The following OSBP variants were observed in gnomAD, a reference collection of about 807,000 sequenced individuals.
OSBP encodes oxysterol binding protein, also known as oxysterol-binding protein 1.
OSBP carries 32 observed loss-of-function variants against 96.6 expected under a neutral mutation model. The observed-to-expected ratio is 0.33, with a 90% CI of 0.25 to 0.45. OSBP has a LOEUF of 0.45. OSBP is among the 20% of genes least tolerant of loss of function. OSBP has a pLI of 1.00. For synonymous variants in OSBP, 369 were observed against 389.6 expected (o/e 0.95, Z 0.62); for missense variants, 653 against 1,029.7 (o/e 0.63, Z 5.01).
chr11:59,614,150 T>C (rs1232040131), intron 1 of OSBP, among the ~76,000 whole-genome samples: 1 of 152,226 alleles, frequency 6.6e-6, no homozygotes, highest in African/African-American at 2.4e-5. Flanking sequence ...TACTTGCTAT[T>C]GATAAGCAAT....
intron 3 of OSBP, among the ~76,000 whole-genome samples, chr11:59,605,240 C>T (rs1474066880): frequency 3.2e-4 from 48 of 152,250 alleles, no homozygotes; most frequent in Non-Finnish European, 5.9e-5. Context: ...TGATCTGCAG[C>T]CCTTTCTCTC....
intron 3 of OSBP, 42 bp downstream of exon 3, chr11:59,608,442 G>A (rs1342923978): frequency 6.2e-7 from 1 of 1,612,080 alleles, no homozygotes; most frequent in African/African-American, 1.3e-5. Context: ...GTTTCAAAGA[G>A]GGAATGAATC....
In OSBP at chr11:59,615,383, C is replaced by G. The variant is rs1177995319; in HGVS notation, c.282G>C (p.Trp94Cys). 6.3e-7 allele frequency: 1 copy of G among 1,588,320 alleles called. No individual in the cohort carries two copies. Among genetic ancestry groups the G allele is most frequent in the East Asian group, 2.3e-5 (1 of 42,864 alleles). Residue 94 changes from tryptophan (W) to cysteine (C), a missense_variant, in exon 1 of 14, where the codon TGG (tryptophan) becomes TGC (cysteine). Transcript: ENST00000263847. ...TGATATAATTGGTCCATTTGAAGAG[C>G]CAGCCCTCTCGAGCCGAGCCCGAAC... ...AGGSGSAREG[W>C]LFKWTNYIKG... is the part of the protein sequence containing the mutation.
At chr11:59,615,100 C>CGAGGG (rs755849961) in intron 1 of OSBP, among the ~76,000 whole-genome samples, 2 of 152,252 alleles carry the variant, frequency 1.3e-5, no homozygotes, top group Middle Eastern at 3.4e-3. Flanking sequence ...GTGGGTAACC[C>CGAGGG]GAGGGGAGGG....
At chr11:59,585,768 C>T (rs1047635642) in intron 9 of OSBP, among the ~76,000 whole-genome samples, 6 of 152,176 alleles carry the variant, frequency 3.9e-5, no homozygotes, top group African/African-American at 9.6e-5. Flanking sequence ...AGATGGTTGC[C>T]GTGTCTGTGT....
intron 9 of OSBP, among the ~76,000 whole-genome samples, chr11:59,589,582 C>T (rs1209366708): frequency 6.6e-6 from 1 of 151,970 alleles, no homozygotes; most frequent in African/African-American, 2.4e-5. Context: ...GCCTGGGCAA[C>T]ACAGCAAGAC....
intron 12 of OSBP, among the ~76,000 whole-genome samples, chr11:59,577,495 C>CTTAT (rs1435517482): frequency 1.3e-5 from 2 of 151,058 alleles, no homozygotes; most frequent in Admixed American, 6.6e-5. Context: ...TTTTCTTTTT[C>CTTAT]TTATTTATTT....
intron 9 of OSBP, among the ~76,000 whole-genome samples, chr11:59,590,934 C>A (rs1287214438): frequency 6.6e-6 from 1 of 152,170 alleles, no homozygotes; most frequent in Non-Finnish European, 1.5e-5. Flanking sequence ...AAAGTCAATT[C>A]TTTCTTCAAT....
rs1860725887 is a variant in OSBP at position 59,601,654 on chromosome 11, A to C, written c.1007T>G (p.Val336Gly). 6.2e-7 allele frequency: 1 copy of C among 1,612,570 alleles called. No homozygotes were observed. The part of the protein sequence containing the change: ...TVLPANTPGN[V>G]GSGKDQCCSG... ...AAGTGTCTTACCTTTACCAGAACCC[A>C]CATTGCCAGGAGTGTTTGCCGGCAG... Residue 336 changes from valine to glycine, a missense_variant, in exon 4 of 14, where the codon GTG becomes GGG. This residue lies in a region of OSBP where 308 missense variants were observed against 573.1 expected (regional missense o/e 0.54). Coordinates refer to ENST00000263847, the MANE Select transcript of OSBP (RefSeq NM_002556.3).
At chr11:59,588,218 G>C (rs1461615111) in intron 9 of OSBP, among the ~76,000 whole-genome samples, 10 of 152,186 alleles carry the variant, frequency 6.6e-5, no homozygotes, top group Admixed American at 6.5e-4. Context: ...GTGGGTTCCA[G>C]GGTTTGGGGA....
intron 9 of OSBP, among the ~76,000 whole-genome samples, chr11:59,586,919 C>G (rs1300791961): frequency 1.3e-5 from 2 of 152,066 alleles, no homozygotes; most frequent in Non-Finnish European, 2.9e-5. Flanking sequence ...CTATAAAACT[C>G]TTAGAAGAAA....
At chr11:59,588,344 G>A (rs1289388777) in intron 9 of OSBP, among the ~76,000 whole-genome samples, 7 of 151,962 alleles carry the variant, frequency 4.6e-5, no homozygotes, top group African/African-American at 1.2e-4. Context: ...GAACAGCCAG[G>A]CCAACATGGT....
At chr11:59,585,028 C>G (rs1565115001) in intron 9 of OSBP, among the ~76,000 whole-genome samples, 1 of 152,174 alleles carries the variant, frequency 6.6e-6, no homozygotes, top group Non-Finnish European at 1.5e-5. Context: ...TCCCAAAATG[C>G]CGAGATTACA....
chr11:59,581,713 A>G (rs1021905100), intron 9 of OSBP, among the ~76,000 whole-genome samples, 159 bp from the exon 10 acceptor site: 1 of 152,260 alleles, frequency 6.6e-6, no homozygotes, highest in African/African-American at 2.4e-5. Flanking sequence ...TAAATGTTGG[A>G]AGTATTGACT....
intron 1 of OSBP, among the ~76,000 whole-genome samples, chr11:59,612,964 G>A (rs952494685): frequency 6.6e-6 from 1 of 152,182 alleles, no homozygotes; most frequent in African/African-American, 2.4e-5. Context: ...CCGAGGATGG[G>A]TCTAGGAAGT....
rs1860363367 is a variant in OSBP at position 59,576,552 on chromosome 11, G to A, written c.*25C>T. On this transcript the variant is annotated 3_prime_UTR_variant, in exon 14 of 14. Coordinates refer to ENST00000263847, the MANE Select transcript of OSBP (RefSeq NM_002556.3). ...TCCTCTGTCCTCTTCTCCATTATAT[G>A]CTCCTCTTTTTTGTTACTGCCGTTT... 6.2e-7 allele frequency: 1 copy of A among 1,608,816 alleles called. No homozygotes were observed. Among genetic ancestry groups the A allele is most frequent in the African/African-American group, 1.3e-5 (1 of 74,726 alleles).
rs191391038 is a variant in OSBP, at chr11:59,612,386, C to T, written c.363-1797G>A. Among the ~76,000 whole-genome samples the T allele has an allele frequency of 1.4e-3, 212 of 152,316 alleles. 1 individual carries two copies. Among genetic ancestry groups the T allele is most frequent in the Middle Eastern group, 0.01 (3 of 294 alleles). ...TGCACAGCTGACAGGCCAGCTCGCT[C>T]ATGTTTTCTACTCCAAGTATACTAC... On this transcript the variant is annotated intron_variant, in intron 1 of 13. Coordinates refer to ENST00000263847, the MANE Select transcript of OSBP (RefSeq NM_002556.3).
At position 59,574,537 on chromosome 11, in the gene OSBP, A is replaced by G. The variant is rs1860338214; in HGVS notation, c.*2040T>C. ...ACCTGAAAGATTCTAAACTTCTTCCATTAGCGGGAATCTGATTGGGATCAG... is the reference window on the plus strand; with the variant it reads ...ACCTGAAAGATTCTAAACTTCTTCCGTTAGCGGGAATCTGATTGGGATCAG... On this transcript the variant is annotated 3_prime_UTR_variant, in exon 14 of 14. Coordinates refer to ENST00000263847, the MANE Select transcript of OSBP (RefSeq NM_002556.3). The G allele has an allele frequency of 6.6e-6, 1 of 152,314 alleles. No individual in the cohort carries two copies. The highest frequency in any genetic ancestry group is 6.6e-5 in the Admixed American group (1 of 15,220). The allele number at this position is 152,314 out of a possible 1,614,324, so 9.4% of individuals were successfully genotyped here.
rs768781743 is a variant in OSBP at position 59,615,323 on chromosome 11, G to A, written c.342C>T (p.Asn114=). ...GYQRRWFVLS[N]GLLSYYRSKA... is the part of the protein sequence containing the mutation. The stretch of plus-strand genomic sequence containing the variant: ...GTTACCTGTAGTAGCTCAGGAGCCC[G>A]TTGCTCAGCACGAACCATCGCCGCT... The change falls in exon 1 of 14, where the codon AAC becomes AAT. Residue 114 remains asparagine (N), a synonymous_variant. Transcript: ENST00000263847. 4.4e-6 allele frequency: 7 copies of A among 1,603,948 alleles called. No individual in the cohort carries two copies. The highest frequency in any genetic ancestry group is 6.0e-6 in the Non-Finnish European group (7 of 1,173,858).
Sources: gnomAD v4.1 joint callset for allele counts (sites outside exome capture counted in the v4.1 genomes callset) on GRCh38, gnomAD v4.1.1 for gene constraint, gnomAD v4.1.1 regional missense constraint, MANE v1.5 for transcripts, NCBI Gene and HGNC (gene_info 2026-07-23, HGNC 2026-07-21) for gene names.